Variants in RMND5A observed in about 807,000 individuals in gnomAD.
RMND5A encodes the protein required for meiotic nuclear division 5 homolog A.
RMND5A carries 17 observed loss-of-function variants against 49.7 expected under a neutral mutation model. That is an observed-to-expected ratio of 0.34 (90% CI 0.23 to 0.51). RMND5A has a LOEUF of 0.51. RMND5A is among the 20% of genes least tolerant of loss of function. The pLI is 0.96. For synonymous variants in RMND5A, 156 were observed against 167.7 expected (o/e 0.93, Z 0.54); for missense variants, 255 against 471.3 (o/e 0.54, Z 4.25).
intron 4 of RMND5A, among the ~76,000 whole-genome samples, chr2:86,760,614 T>C (rs1020002840): frequency 1.1e-4 from 16 of 152,214 alleles, no homozygotes; most frequent in Non-Finnish European, 1.9e-4. Context: ...TGTCAGTTAC[T>C]CTCAGGCAAC....
In RMND5A at chr2:86,775,529, GC is replaced by G. The variant is rs909598278; in HGVS notation, c.*2120del. 1 of 151,938 alleles carries G rather than the reference GC, an allele frequency of 6.6e-6. No individual in the cohort carries two copies. The allele number at this position is 151,938 out of a possible 1,614,324, so 9.4% of individuals were successfully genotyped here. A position where few individuals can be genotyped will look rare whatever the true frequency, so the allele number is the denominator to read the frequency against. ...GCTTGGGCCACTTTAAAGGACAAAA[GC>G]CAGAGCTCAGCTTTATCCCTCTCCC... On this transcript the variant is annotated 3_prime_UTR_variant, in exon 9 of 9. Coordinates refer to ENST00000283632, the MANE Select transcript of RMND5A (RefSeq NM_022780.4).
chr2:86,771,503 A>G (rs563107900), intron 7 of RMND5A, 55 bp from the exon 8 acceptor site: 11 of 1,508,278 alleles, frequency 7.3e-6, no homozygotes, highest in Non-Finnish European at 1.0e-5. Flanking sequence ...TACCATGTGG[A>G]TGGTTTTGTG....
rs1296655765 is a variant in RMND5A at position 86,774,683 on chromosome 2, A to T, written c.*1272A>T. 1.3e-5 allele frequency: 2 copies of T among 152,688 alleles called. No individual in the cohort carries two copies. The highest frequency in any genetic ancestry group is 1.3e-4 in the Admixed American group (2 of 15,290). 9.5% of individuals were successfully genotyped at this position (152,688 alleles called of 1,614,324 possible). On this transcript the variant is annotated 3_prime_UTR_variant, in exon 9 of 9. Transcript: ENST00000283632. ...CATGAAGTTACTTCAGTATAAGAAG[A>T]ACGTTACACGGAAATCACCAAATAT...
At chr2:86,758,212 TA>T (rs954664182) in intron 4 of RMND5A, among the ~76,000 whole-genome samples, 29 of 152,356 alleles carry the variant, frequency 1.9e-4, no homozygotes, top group African/African-American at 6.5e-4. Context: ...CTTTGCCTTC[TA>T]ATCACAGTTA....
intron 4 of RMND5A, among the ~76,000 whole-genome samples, chr2:86,764,329 A>G (rs1667412693): frequency 6.6e-6 from 1 of 152,218 alleles, no homozygotes; most frequent in Non-Finnish European, 1.5e-5. Context: ...AGCTGGCTAT[A>G]TACTTTCCTG....
At chr2:86,759,414 C>T (rs1260624851) in intron 4 of RMND5A, among the ~76,000 whole-genome samples, 1 of 152,076 alleles carries the variant, frequency 6.6e-6, no homozygotes, top group Non-Finnish European at 1.5e-5. Context: ...CCCCAAAAGG[C>T]TCTTCATCAG....
At chr2:86,743,431 C>CA (rs1054501093) in intron 2 of RMND5A, among the ~76,000 whole-genome samples, 4 of 149,796 alleles carry the variant, frequency 2.7e-5, no homozygotes, top group South Asian at 2.1e-4. Flanking sequence ...CAGTTTCTTT[C>CA]AAAAAAATTG....
intron 2 of RMND5A, among the ~76,000 whole-genome samples, chr2:86,750,894 T>C (rs1681623188): frequency 6.6e-6 from 1 of 152,116 alleles, no homozygotes; most frequent in Non-Finnish European, 1.5e-5. Flanking sequence ...TTTATTTTGG[T>C]TACTCTATCA....
At chr2:86,732,240 G>A (rs1454434029) in intron 1 of RMND5A, among the ~76,000 whole-genome samples, 1 of 147,530 alleles carries the variant, frequency 6.8e-6, no homozygotes, top group South Asian at 2.1e-4. Flanking sequence ...CTGCAACATG[G>A]TGTGCTGCCT....
At chr2:86,753,899 G>A (rs995256445) in intron 4 of RMND5A, among the ~76,000 whole-genome samples, 3 of 152,184 alleles carry the variant, frequency 2.0e-5, no homozygotes, top group Non-Finnish European at 2.9e-5. Context: ...CTTCCTTCAT[G>A]TGCTGGGTTT....
intron 7 of RMND5A, 61 bp from the exon 8 acceptor site, chr2:86,771,497 A>G (rs1672684224): frequency 2.1e-6 from 3 of 1,457,720 alleles, no homozygotes; most frequent in Non-Finnish European, 2.8e-6. Context: ...GTATATTACC[A>G]TGTGGATGGT....
At chr2:86,769,642 G>A (rs1189220966) in intron 6 of RMND5A, among the ~76,000 whole-genome samples, 3 of 150,738 alleles carry the variant, frequency 2.0e-5, no homozygotes, top group Non-Finnish European at 4.4e-5. Flanking sequence ...TATTTTCTGA[G>A]GAAGTAAGCT....
At chr2:86,734,172 AC>A (rs1358251777) in intron 1 of RMND5A, among the ~76,000 whole-genome samples, 1 of 141,204 alleles carries the variant, frequency 7.1e-6, no homozygotes, top group Non-Finnish European at 1.5e-5. Context: ...GTTTCCAAAT[AC>A]CTTACAGAAA....
chr2:86,767,785 G>A (rs1672625998), intron 6 of RMND5A, among the ~76,000 whole-genome samples: 2 of 152,190 alleles, frequency 1.3e-5, no homozygotes, highest in Non-Finnish European at 2.9e-5. Context: ...ACCTGTTTTG[G>A]CCAAAACTAT....
At chr2:86,758,928 A>G (rs987889110) in intron 4 of RMND5A, among the ~76,000 whole-genome samples, 2 of 152,188 alleles carry the variant, frequency 1.3e-5, no homozygotes, top group Non-Finnish European at 2.9e-5. Context: ...CACCAGGTCC[A>G]CACCTGTGGA....
At chr2:86,759,813 T>C (rs1015307748) in intron 4 of RMND5A, among the ~76,000 whole-genome samples, 5 of 150,598 alleles carry the variant, frequency 3.3e-5, no homozygotes, top group Admixed American at 3.3e-4. Flanking sequence ...AACAAAAACG[T>C]GGGGAGGAAG....
At chr2:86,770,554 T>C (rs929949870) in intron 7 of RMND5A, among the ~76,000 whole-genome samples, 1 of 152,318 alleles carries the variant, frequency 6.6e-6, no homozygotes, top group African/African-American at 2.4e-5. Flanking sequence ...AGTATAGAGC[T>C]CTTAAAGGTC....
At chr2:86,751,858 A>C (rs1435905058) in intron 2 of RMND5A, 38 bp from the exon 3 acceptor site, 1 of 1,589,822 alleles carries the variant, frequency 6.3e-7, no homozygotes, top group Admixed American at 1.7e-5. Flanking sequence ...GGGTGAAAAT[A>C]ATCTATTTAT....
intron 3 of RMND5A, among the ~76,000 whole-genome samples, chr2:86,753,256 T>A (rs143966976): frequency 9.8e-5 from 15 of 152,330 alleles, no homozygotes; most frequent in African/African-American, 3.6e-4. Context: ...TTATTCCATT[T>A]GCTTATGTAC....
Sources: gnomAD v4.1 joint callset for allele counts (sites outside exome capture counted in the v4.1 genomes callset) on GRCh38, gnomAD v4.1.1 for gene constraint, MANE v1.5 for transcripts, NCBI Gene and HGNC (gene_info 2026-07-23, HGNC 2026-07-21) for gene names.